IP6K1: variants seen among roughly 807,000 people sequenced by gnomAD.
IP6K1 encodes the protein inositol hexakisphosphate kinase 1.
IP6K1 carries 13 observed loss-of-function variants against 38.3 expected under a neutral mutation model. The observed-to-expected ratio is 0.34, with a 90% CI of 0.22 to 0.54. The LOEUF (loss-of-function observed/expected upper bound fraction) is 0.54. Among genes scored for constraint, IP6K1 ranks in the 20% least tolerant of loss-of-function variants. IP6K1 has a pLI of 0.92. For synonymous variants in IP6K1, 212 were observed against 229.9 expected (o/e 0.92, Z 0.70); for missense variants, 397 against 599.8 (o/e 0.66, Z 3.53).
chr3:49,738,627 C>G (rs1471248976), intron 2 of IP6K1, among the ~76,000 whole-genome samples: 1 of 152,202 alleles, frequency 6.6e-6, no homozygotes, highest in Non-Finnish European at 1.5e-5. Flanking sequence ...CTGATGCTTA[C>G]CTTTGTTCCT....
rs202144754 is a variant in IP6K1, at chr3:49,743,241, TACACACAC to T, written c.223+4569_223+4576del. Among the ~76,000 whole-genome samples the T allele has an allele frequency of 9.9e-3, 1,354 of 137,232 alleles. 17 individuals are homozygous for T. Among genetic ancestry groups the T allele is most frequent in the South Asian group, 0.055 (228 of 4,112 alleles). 90.0% of individuals were successfully genotyped at this position (137,232 alleles called of 152,430 possible). On this transcript the variant is annotated intron_variant, in intron 2 of 5. Transcript: ENST00000321599. ...TCTCAAAACAAAAACAAAAACAAAA[TACACACAC>T]ACACACACACACACACACACACACA...
chr3:49,773,114 T>C (rs2108259648), intron 1 of IP6K1, among the ~76,000 whole-genome samples: 1 of 152,318 alleles, frequency 6.6e-6, no homozygotes, highest in Non-Finnish European at 1.5e-5. Flanking sequence ...CATGAGCCAT[T>C]GCACCTGGCC....
At chr3:49,737,071 CT>C (rs527723899) in intron 3 of IP6K1, among the ~76,000 whole-genome samples, 25,588 of 113,042 alleles carry the variant, frequency 0.23, 2,345 homozygotes, top group Non-Finnish European at 0.27. Context: ...CAAGCCTGGC[CT>C]TTTTTTTTTT....
chr3:49,764,739 C>T (rs2080895813), intron 1 of IP6K1, among the ~76,000 whole-genome samples: 1 of 151,858 alleles, frequency 6.6e-6, no homozygotes, highest in South Asian at 2.1e-4. Context: ...ATTAGCCTGG[C>T]GTGGTAGTGC....
chr3:49,766,523 G>A (rs1328735106), intron 1 of IP6K1, among the ~76,000 whole-genome samples: 1 of 151,722 alleles, frequency 6.6e-6, no homozygotes, highest in African/African-American at 2.4e-5. Flanking sequence ...CATCAGTTGG[G>A]TGTGGTGGTG....
chr3:49,775,720 G>C (rs2081001485), intron 1 of IP6K1: 1 of 390,608 alleles, frequency 2.6e-6, no homozygotes, highest in Admixed American at 3.6e-5. Flanking sequence ...GCATCACCAG[G>C]AGTGCCTGCT....
chr3:49,781,122 C>T (rs9814765), intron 1 of IP6K1, among the ~76,000 whole-genome samples: 70,372 of 150,848 alleles, frequency 0.47, 17,220 homozygotes, highest in African/African-American at 0.55. Context: ...AGTGCAGTGG[C>T]GCAATCTCAG....
intron 1 of IP6K1, among the ~76,000 whole-genome samples, chr3:49,757,045 G>T (rs916381045): frequency 1.3e-5 from 2 of 152,148 alleles, no homozygotes; most frequent in East Asian, 1.9e-4. Context: ...AAGGATGGGA[G>T]AAATGGTTCT....
intron 1 of IP6K1, among the ~76,000 whole-genome samples, chr3:49,766,796 T>C (rs1306833314): frequency 6.8e-6 from 1 of 148,066 alleles, no homozygotes; most frequent in Non-Finnish European, 1.5e-5. Context: ...CAAAACCCCG[T>C]CTCTACTAAA....
chr3:49,751,530 ACTGT>A (rs948390581), intron 1 of IP6K1, among the ~76,000 whole-genome samples: 8 of 152,008 alleles, frequency 5.3e-5, no homozygotes, highest in Non-Finnish European at 1.2e-4. Context: ...TGTGAAAACT[ACTGT>A]CTGAGAAGGC....
At chr3:49,780,306 T>TCACACA (rs1405695613) in intron 1 of IP6K1, among the ~76,000 whole-genome samples, 2 of 10,852 alleles carry the variant, frequency 1.8e-4, no homozygotes, top group African/African-American at 4.6e-4. Context: ...TTATCATCTT[T>TCACACA]CATACACACA....
chr3:49,750,984 T>C (rs968568774), intron 1 of IP6K1, among the ~76,000 whole-genome samples: 1 of 152,164 alleles, frequency 6.6e-6, no homozygotes, highest in Non-Finnish European at 1.5e-5. Flanking sequence ...CCTCTCAAGC[T>C]CTGTGAAGCC....
rs1167141375 is a variant in IP6K1 at position 49,725,404 on chromosome 3, G to GGCAA, written c.*1714_*1717dup. 6.6e-6 allele frequency: 1 copy of GGCAA among 152,300 alleles called. No individual in the cohort carries two copies. Among genetic ancestry groups the GGCAA allele is most frequent in the Non-Finnish European group, 1.5e-5 (1 of 68,098 alleles). 9.4% of individuals were successfully genotyped at this position (152,300 alleles called of 1,614,324 possible). On this transcript the variant is annotated 3_prime_UTR_variant, in exon 6 of 6. Coordinates refer to ENST00000321599, the MANE Select transcript of IP6K1 (RefSeq NM_153273.4). ...AGACTGTAATTTGTGACCAGAAACA[G>GGCAA]GCAAGCTGTCCCTCCCAGCCCCAAA...
intron 4 of IP6K1, among the ~76,000 whole-genome samples, chr3:49,728,671 G>C (rs931797040): frequency 2.6e-5 from 4 of 151,680 alleles, no homozygotes; most frequent in African/African-American, 4.9e-5. Flanking sequence ...TGCATCCCAG[G>C]TTCAAGCTAT....
intron 1 of IP6K1, among the ~76,000 whole-genome samples, chr3:49,763,831 C>T (rs2080886467): frequency 6.6e-6 from 1 of 151,948 alleles, no homozygotes; most frequent in African/African-American, 2.4e-5. Flanking sequence ...GCCTGGCCAA[C>T]ATGGTGAAAC....
Position 49,726,160 on chromosome 3 carries a change from G to A in IP6K1, c.*962C>T, listed in dbSNP as rs2080499982. On this transcript the variant is annotated 3_prime_UTR_variant, in exon 6 of 6. Coordinates refer to ENST00000321599, the MANE Select transcript of IP6K1 (RefSeq NM_153273.4). The stretch of plus-strand genomic sequence containing the variant: ...GCTTAAAGTTCTCCCTCCAGGCCCA[G>A]GGCCAAGAGCGCCTCACAAAGGGCT... 1 of 152,726 alleles carries A rather than the reference G, an allele frequency of 6.5e-6. No individual in the cohort carries two copies. Among genetic ancestry groups the A allele is most frequent in the African/African-American group, 2.4e-5 (1 of 41,470 alleles). 9.5% of individuals were successfully genotyped at this position (152,726 alleles called of 1,614,324 possible).
At position 49,732,976 on chromosome 3, in the gene IP6K1, A is replaced by T. The variant is rs2080577043; in HGVS notation, c.435-4T>A. Reference sequence around the variant, plus strand: ...CGGACTCTTTGCCTCCTGTGAGCTAAGAAGGAAGAACATACACATCACTAA... The same window carrying T: ...CGGACTCTTTGCCTCCTGTGAGCTATGAAGGAAGAACATACACATCACTAA... On this transcript the variant is annotated splice_polypyrimidine_tract_variant and splice_region_variant and intron_variant, in intron 3 of 5. Transcript: ENST00000321599. 6.2e-7 allele frequency: 1 copy of T among 1,610,498 alleles called. No homozygotes were observed. Among genetic ancestry groups the T allele is most frequent in the Non-Finnish European group, 8.5e-7 (1 of 1,177,218 alleles).
At chr3:49,762,728 AAGAG>A (rs898164939) in intron 1 of IP6K1, among the ~76,000 whole-genome samples, 17 of 152,172 alleles carry the variant, frequency 1.1e-4, no homozygotes, top group African/African-American at 3.6e-4. Context: ...AGAAAACAGA[AAGAG>A]AGAGAAAGAG....
chr3:49,742,758 G>T (rs1292839003), intron 2 of IP6K1, among the ~76,000 whole-genome samples: 1 of 151,762 alleles, frequency 6.6e-6, no homozygotes, highest in Admixed American at 6.6e-5. Context: ...AAAAGAGCCG[G>T]TGCACACCTG....
Sources: gnomAD v4.1 joint callset for allele counts (sites outside exome capture counted in the v4.1 genomes callset) on GRCh38, gnomAD v4.1.1 for gene constraint, MANE v1.5 for transcripts, NCBI Gene and HGNC (gene_info 2026-07-23, HGNC 2026-07-21) for gene names.